The following FHAD1 variants were observed in gnomAD, a reference collection of about 807,000 sequenced individuals.
FHAD1 encodes forkhead associated phosphopeptide binding domain 1.
FHAD1 carries 146 observed loss-of-function variants against 191.3 expected under a neutral mutation model. The ratio of observed to expected loss-of-function variants is 0.76; its 90% CI spans 0.67 to 0.88. The LOEUF (loss-of-function observed/expected upper bound fraction) is 0.88. Among genes scored for constraint, FHAD1 ranks in the 40% least tolerant of loss-of-function variants. The pLI is 0.00. For missense variants in FHAD1, 1,635 were observed against 1,785.8 expected (o/e 0.92, Z 1.52); for synonymous variants, 616 against 672.3 (o/e 0.92, Z 1.29).
intron 26 of FHAD1, among the ~76,000 whole-genome samples, chr1:15,371,754 A>G (rs1431353228): frequency 6.6e-6 from 1 of 152,284 alleles, no homozygotes; most frequent in East Asian, 1.9e-4. Flanking sequence ...CCAGCGCTGG[A>G]AGGGAACCAG....
At chr1:15,386,845 CT>C (rs1702220762) in intron 31 of FHAD1, among the ~76,000 whole-genome samples, 1 of 122,368 alleles carries the variant, frequency 8.2e-6, no homozygotes, top group Admixed American at 7.4e-5. Flanking sequence ...TTTTTCCTTT[CT>C]TTCTTTTTTT....
chr1:15,375,600 C>T lies in FHAD1; in HGVS notation c.3578-3C>T, dbSNP rs1347606495. 4.0e-6 allele frequency: 6 copies of T among 1,518,206 alleles called. No individual in the cohort carries two copies. The highest frequency in any genetic ancestry group is 5.3e-6 in the Non-Finnish European group (6 of 1,136,936). The allele number at this position is 1,518,206 out of a possible 1,614,324, so 94.0% of individuals were successfully genotyped here. On this transcript the variant is annotated splice_polypyrimidine_tract_variant and splice_region_variant and intron_variant, in intron 27 of 33. Coordinates refer to ENST00000688493, the MANE Select transcript of FHAD1 (RefSeq NM_001391957.1). ...TTTTGAGTCTACTTTATTTCTTTTACAGATCATAAAGACCACCAGAATGAA... is the reference window on the plus strand; with the variant it reads ...TTTTGAGTCTACTTTATTTCTTTTATAGATCATAAAGACCACCAGAATGAA...
intron 10 of FHAD1, among the ~76,000 whole-genome samples, chr1:15,321,480 A>T (rs1293886456): frequency 6.6e-6 from 1 of 152,204 alleles, no homozygotes; most frequent in African/African-American, 2.4e-5. Flanking sequence ...TGACTTAGAG[A>T]TTGACACTTT....
chr1:15,237,394 C>T (rs1644897291), intron 1 of FHAD1, among the ~76,000 whole-genome samples: 1 of 152,208 alleles, frequency 6.6e-6, no homozygotes, highest in African/African-American at 2.4e-5. Context: ...CTTCCTCCTG[C>T]AATGCCTTTC....
At position 15,261,245 on chromosome 1, in the gene FHAD1, G is replaced by A. The variant is rs183168312; in HGVS notation, c.93+9368G>A. Among the ~76,000 whole-genome samples, 43 of 152,268 alleles carry A rather than the reference G, an allele frequency of 2.8e-4. No homozygotes were observed. The East Asian group carries it at 3.9e-3, about 14-fold the overall frequency. On this transcript the variant is annotated intron_variant, in intron 2 of 33. Coordinates refer to ENST00000688493, the MANE Select transcript of FHAD1 (RefSeq NM_001391957.1). The stretch of plus-strand genomic sequence containing the variant: ...CCATTTTACAGATGAGGAAGTTGTG[G>A]CACAGACAGACTAAGGAGCCTGCCC...
At chr1:15,402,635 C>T (rs999314151), downstream of FHAD1, among the ~76,000 whole-genome samples, 2 of 152,178 alleles carry the variant, frequency 1.3e-5, no homozygotes, top group East Asian at 1.9e-4. Flanking sequence ...CTATGCAAAG[C>T]GTGGTCCAGA....
intron 11 of FHAD1, 109 bp downstream of exon 11, chr1:15,324,668 G>C (rs919677004): frequency 8.0e-6 from 6 of 751,096 alleles, no homozygotes; most frequent in Non-Finnish European, 1.4e-5. Flanking sequence ...AGACAGACGT[G>C]CGTTAATTCT....
intron 1 of FHAD1, among the ~76,000 whole-genome samples, chr1:15,237,063 C>G (rs778355093): frequency 6.6e-6 from 1 of 152,114 alleles, no homozygotes; most frequent in Non-Finnish European, 1.5e-5. Flanking sequence ...CCACCATGAT[C>G]GTAAGTTTCC....
Position 15,327,044 on chromosome 1 carries a change from C to T in FHAD1, c.1474-15C>T, listed in dbSNP as rs1678982848. ...CTGCTGACCCCCTGACACTGTTGCC[C>T]CCTCTCTGCTGCAGCTGGAGCACTT... On this transcript the variant is annotated splice_polypyrimidine_tract_variant and intron_variant, in intron 11 of 33. Transcript: ENST00000688493. This position sits in a 1 kb window ranked among gnomAD's most constrained non-coding sequence, Gnocchi z 5.1. 1 of 1,541,188 alleles carries T rather than the reference C, an allele frequency of 6.5e-7. No individual in the cohort carries two copies. Among genetic ancestry groups the T allele is most frequent in the Non-Finnish European group, 8.8e-7 (1 of 1,137,852 alleles).
At chr1:15,330,115 A>G (rs991669318) in intron 14 of FHAD1, 8 of 153,240 alleles carry the variant, frequency 5.2e-5, no homozygotes, top group African/African-American at 1.7e-4. Context: ...CAGTAGACAC[A>G]GACCTACATC....
intron 8 of FHAD1, 27 bp downstream of exon 8, chr1:15,313,214 G>A (rs1420896361): frequency 6.5e-7 from 1 of 1,547,690 alleles, no homozygotes; most frequent in East Asian, 2.5e-5. Context: ...GCGTCACCTT[G>A]TAGCCATCCG....
At chr1:15,384,693 C>T (rs1366612297) in intron 31 of FHAD1, 1 of 152,216 alleles carries the variant, frequency 6.6e-6, no homozygotes, top group Non-Finnish European at 1.5e-5. Context: ...CCAGCTGGAG[C>T]TGGGAACTTT....
chr1:15,272,339 A>G lies in FHAD1; in HGVS notation c.110A>G (p.Asn37Ser). Residue 37 changes from asparagine to serine, a missense_variant, in exon 3 of 34, where the codon AAC (asparagine) becomes AGC (serine). Coordinates refer to ENST00000688493, the MANE Select transcript of FHAD1 (RefSeq NM_001391957.1). ...CCGTTGCAGTCTCCTGACATCGACA[A>G]CCACCATGCACTCATTGAATATAAC... ...DLVLQSPDID[N>S]HHALIEYNEA... The G allele has an allele frequency of 2.6e-6, 4 of 1,550,276 alleles. No homozygotes were observed. Among genetic ancestry groups the G allele is most frequent in the Non-Finnish European group, 3.5e-6 (4 of 1,145,790 alleles).
chr1:15,352,777 C>G (rs1691331396), intron 19 of FHAD1, 100 bp from the exon 20 acceptor site: 1 of 840,286 alleles, frequency 1.2e-6, no homozygotes, highest in Non-Finnish European at 1.9e-6. Context: ...CTCTCCAACC[C>G]TGACTTGGTG....
intron 26 of FHAD1, among the ~76,000 whole-genome samples, chr1:15,372,742 T>C (rs538584372): frequency 6.6e-6 from 1 of 152,358 alleles, no homozygotes; most frequent in East Asian, 1.9e-4. Flanking sequence ...TTTTAAAAAG[T>C]ATTATAAAAG....
Position 15,374,641 on chromosome 1 carries a change from C to T in FHAD1, c.3577+10C>T, listed in dbSNP as rs1340377349. On this transcript the variant is annotated intron_variant, in intron 27 of 33. Transcript: ENST00000688493. ...AAGGCGCGCTCACCAGGTAAGTCTC[C>T]TCCTTCCTAGTCAGAGCAGTGGACC... 6.4e-7 allele frequency: 1 copy of T among 1,550,908 alleles called. No homozygotes were observed. The highest frequency in any genetic ancestry group is 1.2e-5 in the South Asian group (1 of 84,008).
chr1:15,239,938 C>G, intron 1 of FHAD1, among the ~76,000 whole-genome samples: 1 of 152,184 alleles, frequency 6.6e-6, no homozygotes, highest in Non-Finnish European at 1.5e-5. Context: ...AGGTCTATAT[C>G]TAATAGACAT....
Position 15,308,473 on chromosome 1 carries a change from G to T in FHAD1, c.916-140G>T, listed in dbSNP as rs1452680791. On this transcript the variant is annotated intron_variant, in intron 6 of 33. Coordinates refer to ENST00000688493, the MANE Select transcript of FHAD1 (RefSeq NM_001391957.1). ...CAGGCCCTCCCCTGTCCCTTCCACT[G>T]GTTAAAACTAAAAAGCTTGGTTTCC... 5 of 1,156,440 alleles carry T rather than the reference G, an allele frequency of 4.3e-6. No homozygotes were observed. The East Asian group carries it at 1.3e-4, about 30-fold the overall frequency. 71.6% of individuals were successfully genotyped at this position (1,156,440 alleles called of 1,614,324 possible). A position where few individuals can be genotyped will look rare whatever the true frequency, so the allele number is the denominator to read the frequency against.
intron 33 of FHAD1, among the ~76,000 whole-genome samples, chr1:15,396,662 T>C (rs900547492): frequency 1.3e-5 from 2 of 151,086 alleles, no homozygotes; most frequent in Non-Finnish European, 2.9e-5. Flanking sequence ...ATACAAAAAT[T>C]AGCCGGGTGT....
Sources: gnomAD v4.1 joint callset for allele counts (sites outside exome capture counted in the v4.1 genomes callset) on GRCh38, gnomAD v4.1.1 for gene constraint, Gnocchi (gnomAD v3.1) non-coding constraint, MANE v1.5 for transcripts, NCBI Gene and HGNC (gene_info 2026-07-23, HGNC 2026-07-21) for gene names.